Variants in CYP4F2 observed in about 807,000 individuals in gnomAD.
The protein encoded by CYP4F2 is cytochrome P450 4F2.
CYP4F2 carries 58 observed loss-of-function variants against 58.9 expected under a neutral mutation model. The observed-to-expected ratio is 0.98, with a 90% CI of 0.80 to 1.23. The LOEUF is 1.23. CYP4F2 is among the 50% of genes most tolerant of loss of function. The pLI, the probability that CYP4F2 is intolerant of heterozygous loss-of-function variation, is 0.00. For synonymous variants in CYP4F2, 287 were observed against 261.1 expected (o/e 1.10, Z -0.95); for missense variants, 616 against 685.6 (o/e 0.90, Z 1.13).
intron 3 of CYP4F2, among the ~76,000 whole-genome samples, chr19:15,894,477 T>C (rs1005167376): frequency 1.3e-4 from 20 of 152,154 alleles, no homozygotes; most frequent in Admixed American, 6.5e-5. Flanking sequence ...GCCACCTTGA[T>C]AGGAAAAGCG....
intron 3 of CYP4F2, among the ~76,000 whole-genome samples, chr19:15,892,965 A>T (rs2089425965): frequency 6.6e-6 from 1 of 152,162 alleles, no homozygotes; most frequent in Non-Finnish European, 1.5e-5. Context: ...CTGATATGGC[A>T]TCTTCTGACA....
At chr19:15,880,064 TG>T (rs1246018095) in intron 9 of CYP4F2, among the ~76,000 whole-genome samples, 167 bp from the exon 10 acceptor site, 1 of 151,876 alleles carries the variant, frequency 6.6e-6, no homozygotes, top group Non-Finnish European at 1.5e-5. Flanking sequence ...GTGGCAAAAA[TG>T]AGAAAACAGA....
intron 7 of CYP4F2, among the ~76,000 whole-genome samples, chr19:15,889,112 A>C (rs1327415322): frequency 6.6e-6 from 1 of 152,258 alleles, no homozygotes; most frequent in African/African-American, 2.4e-5. Context: ...AGATATAGAA[A>C]GACATAGGCA....
At chr19:15,885,495 C>T (rs1277996141) in intron 9 of CYP4F2, among the ~76,000 whole-genome samples, 4 of 152,072 alleles carry the variant, frequency 2.6e-5, no homozygotes, top group Non-Finnish European at 5.9e-5. Flanking sequence ...GCAAGTGTTC[C>T]GGACAAGAAT....
rs770077893 is a variant in CYP4F2, at chr19:15,879,831, T to A, written c.1182A>T (p.Pro394=). 25 of 1,613,944 alleles carry A rather than the reference T, an allele frequency of 1.5e-5. No homozygotes were observed. Among genetic ancestry groups the A allele is most frequent in the Non-Finnish European group, 1.9e-5 (23 of 1,180,014 alleles). ...CMKESLRLHP[P]VPVISRHVTQ... Reference sequence around the variant, plus strand: ...TGACATGGCGGGAGATGACCGGGACTGGGGGATGCAGCCGCAGGCTCTCCT... The same window carrying A: ...TGACATGGCGGGAGATGACCGGGACAGGGGGATGCAGCCGCAGGCTCTCCT... Residue 394 remains proline (P), a synonymous_variant, in exon 10 of 13, where the codon CCA becomes CCT. Transcript: ENST00000221700.
chr19:15,895,935 C>T (rs2089444904), intron 2 of CYP4F2, among the ~76,000 whole-genome samples: 1 of 152,116 alleles, frequency 6.6e-6, no homozygotes, highest in Admixed American at 6.5e-5. Flanking sequence ...TATATATCTA[C>T]TCCATCTGTC....
chr19:15,897,409 C>G lies in CYP4F2; in HGVS notation c.198+5G>C, dbSNP rs772944390. 1 of 1,612,412 alleles carries G rather than the reference C, an allele frequency of 6.2e-7. No individual in the cohort carries two copies. On this transcript the variant is annotated splice_donor_5th_base_variant and intron_variant, in intron 2 of 12. Coordinates refer to ENST00000221700, the MANE Select transcript of CYP4F2 (RefSeq NM_001082.5). ...GACCTAGACCCATCCTGCTGCCACA[C>G]TCACCATGCCCTGGTGTCCCCAAAA...
chr19:15,893,009 G>A (rs1345518687), intron 3 of CYP4F2, among the ~76,000 whole-genome samples: 1 of 152,110 alleles, frequency 6.6e-6, no homozygotes, highest in Non-Finnish European at 1.5e-5. Context: ...CCTGACATGT[G>A]TTCACATGTC....
rs3093221 is a variant in CYP4F2, at chr19:15,889,700, G to T, written c.648-7C>A. 6.3e-3 allele frequency: 10,179 copies of T among 1,612,680 alleles called. 45 individuals are homozygous for T. Among genetic ancestry groups the T allele is most frequent in the Non-Finnish European group, 7.7e-3 (9,096 of 1,178,870 alleles). On this transcript the variant is annotated splice_polypyrimidine_tract_variant and splice_region_variant and intron_variant, in intron 6 of 12. Transcript: ENST00000221700. The stretch of plus-strand genomic sequence containing the variant: ...AATATATTCACTGGGTTTCCTGCAG[G>T]ATAAGGGCAGAAAGGGAGGCAACAA...
chr19:15,892,524 C>CCCTGT lies in CYP4F2; in HGVS notation c.397+4_397+5insACAGG. 6 of 1,614,096 alleles carry CCCTGT rather than the reference C, an allele frequency of 3.7e-6. No individual in the cohort carries two copies. The South Asian group carries it at 6.6e-5, about 18-fold the overall frequency. On this transcript the variant is annotated splice_donor_region_variant and intron_variant, in intron 4 of 12. Coordinates refer to ENST00000221700, the MANE Select transcript of CYP4F2 (RefSeq NM_001082.5). ...TCCCAACCCTGTTCACCTGCAGATA[C>CCCTGT]TCACCCAGCCAGGGCTCCAGGAAGC...
At chr19:15,879,728 T>C in intron 10 of CYP4F2, 36 bp downstream of exon 10, 1 of 1,613,722 alleles carries the variant, frequency 6.2e-7, no homozygotes, top group African/African-American at 1.3e-5. Context: ...CCCCTCTTCC[T>C]ACCCAGGAGA....
At chr19:15,885,827 G>A in intron 9 of CYP4F2, 97 bp downstream of exon 9, 3 of 1,518,128 alleles carry the variant, frequency 2.0e-6, no homozygotes, top group Non-Finnish European at 2.7e-6. Context: ...AGGCAATAGT[G>A]GCAGAATCAA....
Position 15,889,742 on chromosome 19 carries a change from C to T in CYP4F2, c.648-49G>A, listed in dbSNP as rs1402337522. 4 of 1,597,050 alleles carry T rather than the reference C, an allele frequency of 2.5e-6. No homozygotes were observed. The East Asian group carries it at 8.9e-5, about 36-fold the overall frequency. On this transcript the variant is annotated intron_variant, in intron 6 of 12. Coordinates refer to ENST00000221700, the MANE Select transcript of CYP4F2 (RefSeq NM_001082.5). Reference sequence around the variant, plus strand: ...AGGCAACAATTTAATATACCTGAAGCCCCAGGATCACCTCCCACCAGCAGC... The same window carrying T: ...AGGCAACAATTTAATATACCTGAAGTCCCAGGATCACCTCCCACCAGCAGC...
chr19:15,894,321 GAC>G (rs1350126738), intron 3 of CYP4F2, among the ~76,000 whole-genome samples: 2 of 152,302 alleles, frequency 1.3e-5, no homozygotes, highest in African/African-American at 4.8e-5. Flanking sequence ...GGCAATCAGA[GAC>G]ACAGGGATTG....
In CYP4F2 at chr19:15,895,526, C is replaced by T. The variant is rs148396222; in HGVS notation, c.323G>A (p.Arg108Gln). 1.6e-4 allele frequency: 239 copies of T among 1,536,680 alleles called. No homozygotes were observed. The highest frequency in any genetic ancestry group is 1.9e-4 in the Non-Finnish European group (214 of 1,151,714). The change falls in exon 3 of 13, where the codon CGG becomes CAG. Residue 108 changes from arginine to glutamine, a missense_variant. Physicochemically the swap from Arg to Gln is conservative, Grantham distance 43. Coordinates refer to ENST00000221700, the MANE Select transcript of CYP4F2 (RefSeq NM_001082.5). The stretch of plus-strand genomic sequence containing the variant: ...GGTACCTGAGGCGTTGATGACAGAC[C>T]GGATGATGTCGGGGTGGCACAAACT... ...LLSLCHPDIIRSVINASAAIA... is the reference protein window; with the variant it reads ...LLSLCHPDIIQSVINASAAIA...
At chr19:15,891,472 A>G (rs1233770191) in intron 5 of CYP4F2, among the ~76,000 whole-genome samples, 3 of 152,130 alleles carry the variant, frequency 2.0e-5, no homozygotes, top group Non-Finnish European at 4.4e-5. Flanking sequence ...GTTAAAAAAA[A>G]AATCCTAGAT....
intron 9 of CYP4F2, among the ~76,000 whole-genome samples, chr19:15,881,271 A>C (rs1182136490): frequency 6.6e-6 from 1 of 152,244 alleles, no homozygotes; most frequent in Non-Finnish European, 1.5e-5. Flanking sequence ...TGAGCTGAAT[A>C]AATAAGGAAT....
chr19:15,885,267 C>T (rs565275705), intron 9 of CYP4F2, among the ~76,000 whole-genome samples: 24 of 152,260 alleles, frequency 1.6e-4, no homozygotes, highest in Non-Finnish European at 2.8e-4. Context: ...ACCCCCTAGT[C>T]CTGCTTCTCT....
chr19:15,881,326 C>T (rs1295572379), intron 9 of CYP4F2, among the ~76,000 whole-genome samples: 1 of 151,760 alleles, frequency 6.6e-6, no homozygotes, highest in Non-Finnish European at 1.5e-5. Flanking sequence ...GACACACTGT[C>T]GAGTGAAAAC....
Sources: allele counts gnomAD v4.1 joint callset (sites outside exome capture counted in the v4.1 genomes callset), GRCh38; gene constraint gnomAD v4.1.1; transcripts MANE v1.5; gene names NCBI Gene and HGNC (gene_info 2026-07-23, HGNC 2026-07-21).